ROBO2: variants seen among roughly 807,000 people sequenced by gnomAD.
ROBO2 encodes the protein roundabout guidance receptor 2, also known as roundabout homolog 2.
ROBO2 carries 53 observed loss-of-function variants against 160.8 expected under a neutral mutation model. The ratio of observed to expected loss-of-function variants is 0.33; its 90% confidence interval spans 0.26 to 0.41. The LOEUF (loss-of-function observed/expected upper bound fraction) is 0.41, where lower values mean the gene tolerates loss of function less well. ROBO2 is among the 10% of genes least tolerant of loss of function. The pLI is 1.00. For synonymous variants in ROBO2, 664 were observed against 611.7 expected, an observed-to-expected ratio of 1.09 and a Z score of -1.26; for missense variants, 1,577 against 1,722.4, an observed-to-expected ratio of 0.92 and a Z score of 1.49.
intron 2 of ROBO2, among the ~76,000 whole-genome samples, chr3:76,868,635 T>C (rs2071640859): frequency 6.6e-6 from 1 of 152,146 alleles, no homozygotes; most frequent in Non-Finnish European, 1.5e-5. Flanking sequence ...CAATAAGGAA[T>C]ATTAGGATCA....
chr3:77,498,806 A>G (rs2087147178), intron 5 of ROBO2, among the ~76,000 whole-genome samples: 1 of 152,132 alleles, frequency 6.6e-6, no homozygotes. Flanking sequence ...CATCAAGGAC[A>G]TGGGATAATT....
At chr3:76,905,129 T>C (rs1170865175) in intron 2 of ROBO2, among the ~76,000 whole-genome samples, 1 of 152,164 alleles carries the variant, frequency 6.6e-6, no homozygotes, top group East Asian at 1.9e-4. Flanking sequence ...TTTGCAAGGA[T>C]ATGGGTTAGA....
intron 2 of ROBO2, among the ~76,000 whole-genome samples, chr3:76,042,000 G>C (rs2067288628): frequency 6.9e-6 from 1 of 144,042 alleles, no homozygotes; most frequent in East Asian, 2.1e-4. Context: ...GAGAGGGAGA[G>C]CGAGAGCAAG....
At chr3:77,600,723 T>G (rs2153691616) in intron 19 of ROBO2, among the ~76,000 whole-genome samples, 1 of 152,226 alleles carries the variant, frequency 6.6e-6, no homozygotes, top group Middle Eastern at 3.4e-3. Context: ...TGTGACCAAT[T>G]TGGATATACT....
At chr3:77,506,873 T>C (rs1282560756) in intron 5 of ROBO2, among the ~76,000 whole-genome samples, 1 of 152,158 alleles carries the variant, frequency 6.6e-6, no homozygotes, top group East Asian at 1.9e-4. Flanking sequence ...TGAGATATGA[T>C]GGTTATACAA....
At chr3:76,166,057 T>C (rs2072825298) in intron 2 of ROBO2, among the ~76,000 whole-genome samples, 2 of 151,966 alleles carry the variant, frequency 1.3e-5, no homozygotes, top group South Asian at 2.1e-4. Context: ...TGAAATACTG[T>C]AAGAATTCCC....
At chr3:77,420,711 G>A (rs1357795278) in intron 2 of ROBO2, among the ~76,000 whole-genome samples, 1 of 152,122 alleles carries the variant, frequency 6.6e-6, no homozygotes, top group Non-Finnish European at 1.5e-5. Context: ...CTCCTGGAGT[G>A]CCTGAAGCTC....
chr3:76,674,473 C>A (rs924539309), intron 2 of ROBO2, among the ~76,000 whole-genome samples: 2 of 151,960 alleles, frequency 1.3e-5, no homozygotes. Context: ...CCAAGGGAAC[C>A]CAGCTGGACC....
At chr3:76,806,553 GT>G (rs2064736293) in intron 2 of ROBO2, among the ~76,000 whole-genome samples, 1 of 151,918 alleles carries the variant, frequency 6.6e-6, no homozygotes, top group African/African-American at 2.4e-5. Flanking sequence ...TTTGGATATG[GT>G]CACATCAAAA....
rs1197487953 is a variant in ROBO2 at position 77,527,049 on chromosome 3, T to A, written c.934+4147T>A. Among the ~76,000 whole-genome samples, 3 of 151,464 alleles carry A rather than the reference T, an allele frequency of 2.0e-5. No homozygotes were observed. The Admixed American group carries it at 2.0e-4, about 10-fold the overall frequency. ...TTTATTGACATGACATTTGCTAGTC[T>A]GTGACTTGAATAGTTATATTCATCA... On this transcript the variant is annotated intron_variant, in intron 6 of 25. Transcript: ENST00000461745.
intron 2 of ROBO2, among the ~76,000 whole-genome samples, chr3:76,256,299 GTCTCTC>G (rs372215718): frequency 0.044 from 4,060 of 92,338 alleles, 158 homozygotes; most frequent in Non-Finnish European, 0.055. Context: ...GACAGAGTGA[GTCTCTC>G]TCTCTCTCTC....
At chr3:77,043,630 GAGAATGTATGTTA>G (rs1225379997) in intron 1 of ROBO2, among the ~76,000 whole-genome samples, 3 of 152,024 alleles carry the variant, frequency 2.0e-5, no homozygotes, top group African/African-American at 7.2e-5. Flanking sequence ...GATCATATAG[GAGAATGTATGTTA>G]AGGTTAGCCT....
chr3:76,808,392 T>C (rs1464951298), intron 2 of ROBO2, among the ~76,000 whole-genome samples: 2 of 152,124 alleles, frequency 1.3e-5, no homozygotes, highest in Non-Finnish European at 2.9e-5. Flanking sequence ...GCAAGTATTT[T>C]TTGAGCACCT....
intron 2 of ROBO2, among the ~76,000 whole-genome samples, chr3:76,082,912 C>T (rs903475696): frequency 6.6e-6 from 1 of 151,838 alleles, no homozygotes; most frequent in Admixed American, 6.6e-5. Context: ...CGGACCAAGG[C>T]GATCACCATG....
chr3:76,505,665 C>A (rs1016958063), intron 2 of ROBO2, among the ~76,000 whole-genome samples: 2 of 152,160 alleles, frequency 1.3e-5, no homozygotes, highest in African/African-American at 4.8e-5. Context: ...AGGCAAAAGA[C>A]ATCATGGATT....
At chr3:76,656,942 TCTCTATTTA>T (rs2091554798) in intron 2 of ROBO2, among the ~76,000 whole-genome samples, 1 of 152,042 alleles carries the variant, frequency 6.6e-6, no homozygotes, top group Non-Finnish European at 1.5e-5. Flanking sequence ...TTTAACTGGC[TCTCTATTTA>T]GTCTTTAACT....
At chr3:76,863,867 A>C (rs2148633119) in intron 2 of ROBO2, among the ~76,000 whole-genome samples, 1 of 152,190 alleles carries the variant, frequency 6.6e-6, no homozygotes. Flanking sequence ...AGGTAATTTA[A>C]ATTTTTTCCT....
intron 2 of ROBO2, among the ~76,000 whole-genome samples, chr3:76,008,248 AAAAAAAG>A (rs2066084843): frequency 1.3e-5 from 2 of 151,442 alleles, no homozygotes; most frequent in South Asian, 4.2e-4. Context: ...AAAAAAAAAA[AAAAAAAG>A]AAAAGAAAAA....
intron 2 of ROBO2, among the ~76,000 whole-genome samples, chr3:77,281,332 T>C (rs1580631129): frequency 6.6e-6 from 1 of 152,196 alleles, no homozygotes; most frequent in Non-Finnish European, 1.5e-5. Context: ...TCCCAGACAC[T>C]TGCTTTTTAA....
Sources: allele counts gnomAD v4.1 joint callset (sites outside exome capture counted in the v4.1 genomes callset), GRCh38; gene constraint gnomAD v4.1.1; transcripts MANE v1.5; gene names NCBI Gene and HGNC (gene_info 2026-07-23, HGNC 2026-07-21).